Variants in RTKN observed in about 807,000 individuals in gnomAD.
RTKN encodes rhotekin.
Under a neutral mutation model 63.5 loss-of-function variants are expected in RTKN, and 49 were observed. The observed-to-expected ratio is 0.77, with a 90% confidence interval of 0.61 to 0.98. The LOEUF is 0.98. Ranked by LOEUF, RTKN falls within the 50% of genes least tolerant of loss-of-function variation. The pLI is 0.00. For missense variants in RTKN, 685 were observed against 740.8 expected (o/e 0.92, Z 0.87); for synonymous variants, 295 against 290.4 (o/e 1.02, Z -0.16).
Position 74,432,545 on chromosome 2 carries a change from C to T in RTKN, c.233G>A (p.Cys78Tyr). 6.2e-7 allele frequency: 1 copy of T among 1,614,062 alleles called. No individual in the cohort carries two copies. Among genetic ancestry groups the T allele is most frequent in the Non-Finnish European group, 8.5e-7 (1 of 1,180,038 alleles). ...CATGTAGCTGAGGATGCGGCTGTTG[C>T]ACACTAGCAGGCTCTTGGTGGCCTC... ...ALEATKSLLV[C>Y]NSRILSYMGE... The change falls in exon 2 of 12, where the codon TGC becomes TAC. Residue 78 changes from cysteine to tyrosine, a missense_variant. Cys to Tyr is a radical substitution (Grantham distance 194). Coordinates refer to ENST00000272430, the MANE Select transcript of RTKN (RefSeq NM_001015055.2).
At chr2:74,432,254 C>T (rs1196004519) in intron 2 of RTKN, 14 of 699,386 alleles carry the variant, frequency 2.0e-5, no homozygotes, top group East Asian at 5.4e-5. Flanking sequence ...CCAGACACAC[C>T]GACTTTTCTA....
intron 6 of RTKN, 46 bp from the exon 7 acceptor site, chr2:74,428,988 G>A (rs1670586360): frequency 6.7e-7 from 1 of 1,496,982 alleles, no homozygotes; most frequent in Non-Finnish European, 9.3e-7. Context: ...GGGCATGTTG[G>A]CCAGCAGGAA....
rs767474896 is a variant in RTKN, at chr2:74,426,228, C to T, written c.*15G>A. On this transcript the variant is annotated 3_prime_UTR_variant, in exon 12 of 12. Coordinates refer to ENST00000272430, the MANE Select transcript of RTKN (RefSeq NM_001015055.2). ...TTTCTCTTCTGGGCAGATCCTATGC[C>T]AGCACCTTTCTCTCTCACACTGGTG... 164 of 1,610,164 alleles carry T rather than the reference C, an allele frequency of 1.0e-4. No homozygotes were observed. The highest frequency in any genetic ancestry group is 3.5e-5 in the Non-Finnish European group (41 of 1,176,748).
Position 74,427,427 on chromosome 2 carries a change from T to C in RTKN, c.1252A>G (p.Met418Val), listed in dbSNP as rs759616241. The C allele has an allele frequency of 1.2e-6, 2 of 1,614,108 alleles. No individual in the cohort carries two copies. Among genetic ancestry groups the C allele is most frequent in the Non-Finnish European group, 1.7e-6 (2 of 1,179,994 alleles). ...MEALWQLFFD[M>V]SQWKQCCDEI... is the part of the protein sequence containing the mutation. ...ACCCAGCCCCCTTCTCTCTTACTCA[T>C]GTCAAAGAAAAGCTGCCACAGAGCC... Residue 418 changes from methionine to valine, a missense_variant, in exon 10 of 12, where the codon ATG becomes GTG. By Grantham distance (21) the Met-to-Val change is conservative (BLOSUM62 1). Transcript: ENST00000272430.
In RTKN at chr2:74,427,482, T is replaced by C. The variant is rs1332135661; in HGVS notation, c.1197A>G (p.Glu399=). 9.3e-6 allele frequency: 15 copies of C among 1,614,152 alleles called. No homozygotes were observed. The highest frequency in any genetic ancestry group is 1.3e-5 in the Non-Finnish European group (15 of 1,180,026). The change falls in exon 10 of 12, where the codon GAA becomes GAG. Residue 399 remains glutamate, a synonymous_variant. Transcript: ENST00000272430. The stretch of plus-strand genomic sequence containing the variant: ...TCCAGCTCTGCAGTGCTTCCCGACT[T>C]TCTGTCTGAAGGGTGTGTGTCACCT... ...DDEVTHTLQT[E]SREALQSWME...
Position 74,436,556 on chromosome 2 carries a change from G to A in RTKN, c.112-3890C>T, listed in dbSNP as rs925124100. ...TCACGACGTGCTCCAGCTCCGGGAG[G>A]CCCCTCCCGCGTAGCGTTTGCCCTC... is the stretch of plus-strand genomic sequence containing the variant. On this transcript the variant is annotated intron_variant, in intron 1 of 11. Transcript: ENST00000272430. This position sits in a 1 kb window ranked among gnomAD's most constrained non-coding sequence, Gnocchi z 4.3. 1.3e-5 allele frequency among the ~76,000 whole-genome samples: 2 copies of A among 152,138 alleles called. No homozygotes were observed. Among genetic ancestry groups the A allele is most frequent in the African/African-American group, 4.8e-5 (2 of 41,432 alleles).
Position 74,426,154 on chromosome 2 carries a change from A to G in RTKN, c.*89T>C. 1 of 1,232,218 alleles carries G rather than the reference A, an allele frequency of 8.1e-7. No homozygotes were observed. The highest frequency in any genetic ancestry group is 1.4e-5 in the South Asian group (1 of 72,790). 76.3% of individuals were successfully genotyped at this position (1,232,218 alleles called of 1,614,324 possible). On this transcript the variant is annotated 3_prime_UTR_variant, in exon 12 of 12. Coordinates refer to ENST00000272430, the MANE Select transcript of RTKN (RefSeq NM_001015055.2). ...GAGGAACAGGAGGCCAGACTGGCCA[A>G]CTTGCTATAGACAGCGCCGTATCCA...
intron 1 of RTKN, among the ~76,000 whole-genome samples, chr2:74,437,921 C>T (rs1671144357): frequency 6.6e-6 from 1 of 152,194 alleles, no homozygotes; most frequent in Non-Finnish European, 1.5e-5. Context: ...CTCTGGCTGG[C>T]ACCTGTGTGA....
Position 74,430,457 on chromosome 2 carries a change from G to T in RTKN, c.427+8C>A. On this transcript the variant is annotated splice_region_variant and intron_variant, in intron 4 of 11. Transcript: ENST00000272430. ...CCCTGAATTTGTCCCAGGGTGTGTG[G>T]AACTCACCACCTTTGTTCTTGAAAT... 6.2e-7 allele frequency: 1 copy of T among 1,613,934 alleles called. No individual in the cohort carries two copies. Among genetic ancestry groups the T allele is most frequent in the Non-Finnish European group, 8.5e-7 (1 of 1,179,790 alleles).
chr2:74,426,198 G>C lies in RTKN; in HGVS notation c.*45C>G. The C allele has an allele frequency of 6.4e-7, 1 of 1,556,844 alleles. No individual in the cohort carries two copies. Among genetic ancestry groups the C allele is most frequent in the Non-Finnish European group, 8.8e-7 (1 of 1,132,050 alleles). On this transcript the variant is annotated 3_prime_UTR_variant, in exon 12 of 12. Coordinates refer to ENST00000272430, the MANE Select transcript of RTKN (RefSeq NM_001015055.2). ...GTATCCAGAGCCCAACTGCGCATGGGTCATTTTCTCTTCTGGGCAGATCCT... is the reference window on the plus strand; with the variant it reads ...GTATCCAGAGCCCAACTGCGCATGGCTCATTTTCTCTTCTGGGCAGATCCT...
chr2:74,435,829 TA>T (rs1262509016), intron 1 of RTKN, among the ~76,000 whole-genome samples: 1 of 152,192 alleles, frequency 6.6e-6, no homozygotes, highest in Non-Finnish European at 1.5e-5. Context: ...CCGAACACCC[TA>T]AATTCCCTCT....
intron 1 of RTKN, among the ~76,000 whole-genome samples, chr2:74,434,404 G>T (rs778110567): frequency 6.6e-6 from 1 of 151,390 alleles, no homozygotes; most frequent in African/African-American, 2.4e-5. Context: ...CCTAGCCTCC[G>T]GAGTAGCTGG....
intron 1 of RTKN, among the ~76,000 whole-genome samples, chr2:74,433,533 A>G (rs374450392): frequency 6.6e-6 from 1 of 151,614 alleles, no homozygotes; most frequent in East Asian, 1.9e-4. Flanking sequence ...CTGTTGCCCA[A>G]GCTGGAGTGC....
At chr2:74,430,440 T>C (rs1192368563) in intron 4 of RTKN, 25 bp downstream of exon 4, 1 of 1,613,856 alleles carries the variant, frequency 6.2e-7, no homozygotes, top group South Asian at 1.1e-5. Context: ...TCCCCTGAAT[T>C]TGTCCCAGGG....
chr2:74,441,258 G>C (rs1671349596), intron 1 of RTKN, among the ~76,000 whole-genome samples: 1 of 152,226 alleles, frequency 6.6e-6, no homozygotes, highest in African/African-American at 2.4e-5. Context: ...CCTAAAGTCG[G>C]GGTTGATGAC....
Position 74,426,336 on chromosome 2 carries a change from G to A in RTKN, c.1599C>T (p.Arg533=). 2 of 1,613,456 alleles carry A rather than the reference G, an allele frequency of 1.2e-6. No homozygotes were observed. Among genetic ancestry groups the A allele is most frequent in the Non-Finnish European group, 1.7e-6 (2 of 1,179,656 alleles). The part of the protein sequence containing the change: ...AVPPDHSPRA[R]SVAPLPPQRS... ...GCTGAGGTGGGAGGGGGGCAACCGA[G>A]CGAGCCCTAGGGGAGTGGTCTGGGG... Residue 533 remains arginine (R), a synonymous_variant, in exon 12 of 12, where the codon CGC becomes CGT. Coordinates refer to ENST00000272430, the MANE Select transcript of RTKN (RefSeq NM_001015055.2).
At chr2:74,426,702 T>G in intron 11 of RTKN, 128 bp from the exon 12 acceptor site, 1 of 1,406,304 alleles carries the variant, frequency 7.1e-7, no homozygotes, top group Non-Finnish European at 9.2e-7. Context: ...GGAGATTGCG[T>G]TATCCTGCAG....
chr2:74,430,814 G>C, intron 2 of RTKN, 137 bp from the exon 3 acceptor site: 1 of 774,050 alleles, frequency 1.3e-6, no homozygotes, highest in Non-Finnish European at 2.0e-6. Context: ...GCAGGGCTGA[G>C]GGACTATAAG....
At chr2:74,432,914 C>T (rs1374044747) in intron 1 of RTKN, among the ~76,000 whole-genome samples, 1 of 152,046 alleles carries the variant, frequency 6.6e-6, no homozygotes, top group Non-Finnish European at 1.5e-5. Context: ...GAGATCAAGG[C>T]CAGCCTGGGC....
Sources: allele counts gnomAD v4.1 joint callset (sites outside exome capture counted in the v4.1 genomes callset), GRCh38; gene constraint gnomAD v4.1.1; non-coding constraint Gnocchi (gnomAD v3.1); transcripts MANE v1.5; gene names NCBI Gene and HGNC (gene_info 2026-07-23, HGNC 2026-07-21).